The following PLAAT3 variants were observed in gnomAD, a reference collection of about 807,000 sequenced individuals.
PLAAT3 encodes Ca-independent phospholipase A1/2.
In PLAAT3, 21 loss-of-function variants were observed where a neutral mutation model predicts 16.7. That is an observed-to-expected ratio of 1.26 (90% CI 0.89 to 1.81). The LOEUF (loss-of-function observed/expected upper bound fraction) is 1.81. Among genes scored for constraint, PLAAT3 ranks in the 40% most tolerant of loss-of-function variants. The pLI is 0.00. For missense variants in PLAAT3, 219 were observed against 213.7 expected (o/e 1.02, Z -0.16); for synonymous variants, 76 against 81.7 (o/e 0.93, Z 0.38).
Position 63,595,028 on chromosome 11 carries a change from C to G in PLAAT3, c.118+3033G>C, listed in dbSNP as rs184982314. Among the ~76,000 whole-genome samples, 69 of 152,160 alleles carry G rather than the reference C, an allele frequency of 4.5e-4. 1 individual carries two copies. In the East Asian group the frequency reaches 0.011, roughly 25 times the overall value. Reference sequence around the variant, plus strand: ...TTCAAGGGCCGTGCGCGGTGGCTCACGCCTGTAATCTCAGCACTTTGGGAG... The same window carrying G: ...TTCAAGGGCCGTGCGCGGTGGCTCAGGCCTGTAATCTCAGCACTTTGGGAG... On this transcript the variant is annotated intron_variant, in intron 3 of 4. Coordinates refer to ENST00000415826, the MANE Select transcript of PLAAT3 (RefSeq NM_001128203.2).
intron 4 of PLAAT3, among the ~76,000 whole-genome samples, chr11:63,587,204 C>A (rs2134402518): frequency 6.6e-6 from 1 of 152,230 alleles, no homozygotes; most frequent in East Asian, 1.9e-4. Flanking sequence ...TGGAAAATTT[C>A]CAAGAACTAA....
intron 2 of PLAAT3, among the ~76,000 whole-genome samples, chr11:63,612,393 A>C (rs1422071689): frequency 1.3e-5 from 2 of 152,348 alleles, no homozygotes; most frequent in East Asian, 3.9e-4. Context: ...GCAGTATTGC[A>C]ATGTCTGGAA....
chr11:63,615,232 A>ATATGTGTG (rs1182105006), upstream of PLAAT3, among the ~76,000 whole-genome samples: 1 of 10,340 alleles, frequency 9.7e-5, no homozygotes, highest in Non-Finnish European at 1.8e-3. Flanking sequence ...ATATATGTGT[A>ATATGTGTG]TATATGTGTA....
At chr11:63,598,986 G>A (rs1447282159) in intron 2 of PLAAT3, among the ~76,000 whole-genome samples, 1 of 152,196 alleles carries the variant, frequency 6.6e-6, no homozygotes, top group East Asian at 1.9e-4. Context: ...GCATGGGGCA[G>A]AGTTTGAGAA....
Position 63,608,144 on chromosome 11 carries a change from T to G in PLAAT3, c.15+5856A>C, listed in dbSNP as rs1472579499. Among the ~76,000 whole-genome samples, 3 of 152,204 alleles carry G rather than the reference T, an allele frequency of 2.0e-5. No individual in the cohort carries two copies. The East Asian group carries it at 5.8e-4, about 29-fold the overall frequency. On this transcript the variant is annotated intron_variant, in intron 2 of 4. Coordinates refer to ENST00000415826, the MANE Select transcript of PLAAT3 (RefSeq NM_001128203.2). ...TCGCAGTGAGCCGAGATCGTGCCAC[T>G]GCACTCCAGCCTGGGCGACAGAGCA...
chr11:63,615,771 G>A (rs1938858590), upstream of PLAAT3, among the ~76,000 whole-genome samples: 1 of 151,606 alleles, frequency 6.6e-6, no homozygotes. Flanking sequence ...CCGGGCAAGC[G>A]ATTCTCCTGC....
chr11:63,584,518 G>GTT (rs1217065281), intron 4 of PLAAT3, among the ~76,000 whole-genome samples: 4 of 114,212 alleles, frequency 3.5e-5, no homozygotes, highest in Admixed American at 8.9e-5. Context: ...GTTTTTTTTT[G>GTT]TTTTTTTTTT....
At chr11:63,607,109 G>C (rs1449115442) in intron 2 of PLAAT3, among the ~76,000 whole-genome samples, 1 of 152,170 alleles carries the variant, frequency 6.6e-6, no homozygotes, top group African/African-American at 2.4e-5. Flanking sequence ...AATGAGGTGG[G>C]GTGTGAAGGA....
At chr11:63,609,623 GC>G (rs1261819230) in intron 2 of PLAAT3, among the ~76,000 whole-genome samples, 1 of 152,226 alleles carries the variant, frequency 6.6e-6, no homozygotes, top group Non-Finnish European at 1.5e-5. Flanking sequence ...AGGCCTGGCT[GC>G]CCAGATTCCC....
chr11:63,577,184 A>G (rs2134388529), intron 4 of PLAAT3, among the ~76,000 whole-genome samples: 1 of 147,056 alleles, frequency 6.8e-6, no homozygotes, highest in Non-Finnish European at 1.5e-5. Flanking sequence ...TTTTTTTTTA[A>G]TCTTTGAGAT....
At chr11:63,597,958 G>A (rs1484785642) in intron 3 of PLAAT3, 103 bp downstream of exon 3, 6 of 767,126 alleles carry the variant, frequency 7.8e-6, no homozygotes, top group Non-Finnish European at 1.4e-5. Flanking sequence ...CTGCCAGTTG[G>A]GAAGCAAGAA....
chr11:63,598,206 G>A (rs145543963), intron 2 of PLAAT3, 43 bp from the exon 3 acceptor site: 101 of 1,361,374 alleles, frequency 7.4e-5, no homozygotes, highest in Middle Eastern at 3.6e-4. Flanking sequence ...GCATGAGATC[G>A]TGGAACCAGG....
At chr11:63,610,106 G>A (rs1308133052) in intron 2 of PLAAT3, among the ~76,000 whole-genome samples, 1 of 152,198 alleles carries the variant, frequency 6.6e-6, no homozygotes, top group East Asian at 1.9e-4. Flanking sequence ...TTAAAGGTGA[G>A]GTTCTTCCCA....
chr11:63,615,028 G>GTATATATA (rs1565259459), upstream of PLAAT3, among the ~76,000 whole-genome samples: 1 of 32,478 alleles, frequency 3.1e-5, no homozygotes, highest in African/African-American at 7.7e-5. Flanking sequence ...ATATATATAT[G>GTATATATA]TGTGTATATA....
At chr11:63,578,523 G>A (rs1300660688) in intron 4 of PLAAT3, among the ~76,000 whole-genome samples, 1 of 152,092 alleles carries the variant, frequency 6.6e-6, no homozygotes, top group African/African-American at 2.4e-5. Flanking sequence ...CCAAAACAGA[G>A]ATATAGACCA....
At chr11:63,576,175 T>C (rs1009726087) in intron 4 of PLAAT3, among the ~76,000 whole-genome samples, 1 of 152,132 alleles carries the variant, frequency 6.6e-6, no homozygotes, top group Non-Finnish European at 1.5e-5. Flanking sequence ...ATACTGGGAA[T>C]TCCCAAACAG....
chr11:63,600,855 C>T (rs1033705455), intron 2 of PLAAT3, among the ~76,000 whole-genome samples: 1 of 151,884 alleles, frequency 6.6e-6, no homozygotes, highest in African/African-American at 2.4e-5. Flanking sequence ...CCACCCGTCT[C>T]AGCCTCCCAA....
At chr11:63,576,063 C>G (rs961238795) in intron 4 of PLAAT3, among the ~76,000 whole-genome samples, 19 of 152,212 alleles carry the variant, frequency 1.2e-4, no homozygotes, top group African/African-American at 4.6e-4. Context: ...GTGAGACTCC[C>G]AGACCTCCTA....
At chr11:63,609,344 T>C (rs1938637917) in intron 2 of PLAAT3, among the ~76,000 whole-genome samples, 1 of 152,240 alleles carries the variant, frequency 6.6e-6, no homozygotes, top group Non-Finnish European at 1.5e-5. Context: ...GCTAGGTCTC[T>C]ATTTTCTGAG....
Sources: gnomAD v4.1 joint callset for allele counts (sites outside exome capture counted in the v4.1 genomes callset) on GRCh38, gnomAD v4.1.1 for gene constraint, MANE v1.5 for transcripts, NCBI Gene and HGNC (gene_info 2026-07-23, HGNC 2026-07-21) for gene names.